SHROOM3: variants seen among roughly 807,000 people sequenced by gnomAD.
SHROOM3 encodes protein Shroom3.
Under a neutral mutation model 138.6 loss-of-function variants are expected in SHROOM3, and 47 were observed. The observed-to-expected ratio is 0.34, with a 90% CI of 0.27 to 0.43. SHROOM3 has a LOEUF of 0.43. Ranked by LOEUF, SHROOM3 falls within the 20% of genes least tolerant of loss-of-function variation. The pLI is 1.00. For missense variants in SHROOM3, 2,491 were observed against 2,596.5 expected (o/e 0.96, Z 0.88); for synonymous variants, 1,062 against 1,063.3 (o/e 1.00, Z 0.02).
intron 1 of SHROOM3, among the ~76,000 whole-genome samples, chr4:76,484,420 A>AC (rs1179979448): frequency 2.0e-5 from 3 of 151,894 alleles, no homozygotes; most frequent in African/African-American, 7.3e-5. Flanking sequence ...GAAAAAAAAA[A>AC]ATTTGCCAGG....
rs146073056 is a variant in SHROOM3, at chr4:76,514,995, G to A, written c.169-40614G>A. Among the ~76,000 whole-genome samples the A allele has an allele frequency of 5.1e-3, 779 of 152,068 alleles. 2 individuals carry two copies. The highest frequency in any genetic ancestry group is 9.8e-3 in the Admixed American group (150 of 15,270). On this transcript the variant is annotated intron_variant, in intron 1 of 10. Coordinates refer to ENST00000296043, the MANE Select transcript of SHROOM3 (RefSeq NM_020859.4). ...TTTGGGAGGCCAAGGTGGGTGGATC[G>A]CTTGAGGTCAGGAGTTCGAGACCAG...
At chr4:76,437,197 C>T (rs1730580227) in intron 1 of SHROOM3, among the ~76,000 whole-genome samples, 1 of 152,072 alleles carries the variant, frequency 6.6e-6, no homozygotes, top group Non-Finnish European at 1.5e-5. Flanking sequence ...AGTGATAAGC[C>T]ACGAGTGCAC....
At position 76,530,085 on chromosome 4, in the gene SHROOM3, G is replaced by A. The variant is rs146635045; in HGVS notation, c.169-25524G>A. Among the ~76,000 whole-genome samples the A allele has an allele frequency of 6.6e-5, 10 of 152,228 alleles. No homozygotes were observed. The East Asian group carries it at 9.7e-4, about 15-fold the overall frequency. ...TCTCTTGAAGTGTTCAGTAATATGC[G>A]GAGATCTACTATTCACTTTTCTTCA... On this transcript the variant is annotated intron_variant, in intron 1 of 10. Coordinates refer to ENST00000296043, the MANE Select transcript of SHROOM3 (RefSeq NM_020859.4).
At chr4:76,635,394 A>G (rs1302737444) in intron 2 of SHROOM3, among the ~76,000 whole-genome samples, 2 of 152,206 alleles carry the variant, frequency 1.3e-5, no homozygotes, top group East Asian at 3.8e-4. Context: ...GGGACCTGAC[A>G]TGAGCTGGTC....
intron 2 of SHROOM3, among the ~76,000 whole-genome samples, chr4:76,577,344 A>C (rs1364249769): frequency 1.3e-5 from 2 of 152,064 alleles, no homozygotes; most frequent in East Asian, 1.9e-4. Context: ...CTGATTGTTT[A>C]CTCTTTACTG....
intron 2 of SHROOM3, among the ~76,000 whole-genome samples, chr4:76,608,667 A>ATAT (rs1467053579): frequency 2.1e-5 from 1 of 47,960 alleles, no homozygotes; most frequent in Non-Finnish European, 5.3e-5. Flanking sequence ...ATAGCATAGC[A>ATAT]CAGCATAGCA....
intron 2 of SHROOM3, among the ~76,000 whole-genome samples, chr4:76,692,804 A>G (rs1286624939): frequency 6.6e-6 from 1 of 152,254 alleles, no homozygotes; most frequent in African/African-American, 2.4e-5. Context: ...AGGCAAAACT[A>G]ATCTATGACA....
chr4:76,540,821 A>T (rs1009489801), intron 1 of SHROOM3, among the ~76,000 whole-genome samples: 15 of 152,332 alleles, frequency 9.8e-5, no homozygotes, highest in African/African-American at 3.6e-4. Context: ...CTAAAGCCTA[A>T]CTATTTTAGT....
At chr4:76,541,660 G>GA (rs1733104160) in intron 1 of SHROOM3, among the ~76,000 whole-genome samples, 8 of 144,918 alleles carry the variant, frequency 5.5e-5, no homozygotes, top group Admixed American at 4.8e-4. Context: ...CCAGGAAATG[G>GA]AGAGTATTGC....
At chr4:76,569,174 A>G (rs1217048222) in intron 2 of SHROOM3, among the ~76,000 whole-genome samples, 1 of 152,374 alleles carries the variant, frequency 6.6e-6, no homozygotes, top group South Asian at 2.1e-4. Context: ...AACAGATCCA[A>G]CCGAGGAGGG....
Position 76,436,208 on chromosome 4 carries a change from A to G in SHROOM3, c.156A>G (p.Leu52=), listed in dbSNP as rs755884307. The change falls in exon 1 of 11, where the codon TTA becomes TTG. Residue 52 remains leucine (L), a synonymous_variant. Coordinates refer to ENST00000296043, the MANE Select transcript of SHROOM3 (RefSeq NM_020859.4). The part of the protein sequence containing the change: ...LKGGLEHGEP[L]IISKVEEGGK... ...GTGGCCTGGAGCACGGAGAACCATT[A>G]ATCATCTCTAAGGTATGTTTCTTTT... The G allele has an allele frequency of 1.2e-6, 2 of 1,614,020 alleles. No individual in the cohort carries two copies. The highest frequency in any genetic ancestry group is 4.5e-5 in the East Asian group (2 of 44,882).
chr4:76,503,192 C>CACACACACACACAT (rs1478646432), intron 1 of SHROOM3, among the ~76,000 whole-genome samples: 6 of 151,664 alleles, frequency 4.0e-5, no homozygotes, highest in African/African-American at 1.5e-4. Context: ...CACACACACA[C>CACACACACACACAT]ACACATGCCT....
At chr4:76,519,092 C>G (rs1183160616) in intron 1 of SHROOM3, among the ~76,000 whole-genome samples, 1 of 152,142 alleles carries the variant, frequency 6.6e-6, no homozygotes, top group African/African-American at 2.4e-5. Context: ...GTGAAGAAAT[C>G]CCAGCAAAGG....
At chr4:76,535,535 G>C (rs1003077352) in intron 1 of SHROOM3, among the ~76,000 whole-genome samples, 13 of 152,186 alleles carry the variant, frequency 8.5e-5, no homozygotes. Flanking sequence ...TACTTAAGGG[G>C]CTGCTGCATA....
At chr4:76,594,353 T>C (rs1015897810) in intron 2 of SHROOM3, among the ~76,000 whole-genome samples, 1 of 152,178 alleles carries the variant, frequency 6.6e-6, no homozygotes, top group African/African-American at 2.4e-5. Context: ...GTGCCTAGTG[T>C]AGCGCCTGGT....
chr4:76,449,689 T>A (rs901306537), intron 1 of SHROOM3, among the ~76,000 whole-genome samples: 2 of 152,230 alleles, frequency 1.3e-5, no homozygotes, highest in African/African-American at 4.8e-5. Flanking sequence ...AAACCTCAGC[T>A]TGATCTTGAA....
Position 76,543,218 on chromosome 4 carries a change from G to T in SHROOM3, c.169-12391G>T, listed in dbSNP as rs79894563. Among the ~76,000 whole-genome samples the T allele has an allele frequency of 6.9e-3, 1,057 of 152,256 alleles. 12 individuals carry two copies. Among genetic ancestry groups the T allele is most frequent in the African/African-American group, 0.023 (964 of 41,548 alleles). On this transcript the variant is annotated intron_variant, in intron 1 of 10. Transcript: ENST00000296043. ...AGAGTTTATGGAAAAGCATAGAAGA[G>T]GCATGCTACCAGTTTCAGGGGCTTC... is the stretch of plus-strand genomic sequence containing the variant.
At chr4:76,640,043 C>T (rs1293967585) in intron 2 of SHROOM3, among the ~76,000 whole-genome samples, 1 of 151,768 alleles carries the variant, frequency 6.6e-6, no homozygotes, top group Non-Finnish European at 1.5e-5. Context: ...TAGATTTTAG[C>T]TCCTCTCTTG....
chr4:76,581,864 A>G (rs1160254338), intron 2 of SHROOM3, among the ~76,000 whole-genome samples: 1 of 152,192 alleles, frequency 6.6e-6, no homozygotes, highest in East Asian at 1.9e-4. Flanking sequence ...TTACTGTCTA[A>G]CACATCATCA....
Sources: allele counts gnomAD v4.1 joint callset (sites outside exome capture counted in the v4.1 genomes callset), GRCh38; gene constraint gnomAD v4.1.1; transcripts MANE v1.5; gene names NCBI Gene and HGNC (gene_info 2026-07-23, HGNC 2026-07-21).